Variants in TRHR observed in about 807,000 individuals in gnomAD.
The protein encoded by TRHR is thyrotropin releasing hormone receptor.
In TRHR, 14 loss-of-function variants were observed where a neutral mutation model predicts 28.0. The ratio of observed to expected loss-of-function variants is 0.50; its 90% CI spans 0.33 to 0.78. The LOEUF (loss-of-function observed/expected upper bound fraction) is 0.78. Among genes scored for constraint, TRHR ranks in the 30% least tolerant of loss-of-function variants. TRHR has a pLI of 0.02. For missense variants in TRHR, 438 were observed against 469.5 expected (o/e 0.93, Z 0.62); for synonymous variants, 176 against 171.9 (o/e 1.02, Z -0.18).
In TRHR at chr8:109,120,020, T is replaced by G. The variant is rs762346094; in HGVS notation, c.*565T>G. On this transcript the variant is annotated 3_prime_UTR_variant, in exon 3 of 3. Transcript: ENST00000518632. ...GTTAACTGTATTTTAAAAGTTGCCA[T>G]AATGTTTATAAAATTCTGAGATGAT... Among the ~76,000 whole-genome samples the G allele has an allele frequency of 2.6e-5, 4 of 151,904 alleles. No individual in the cohort carries two copies. Among genetic ancestry groups the G allele is most frequent in the Non-Finnish European group, 4.4e-5 (3 of 67,858 alleles).
chr8:109,112,815 T>C (rs891024321), intron 2 of TRHR, among the ~76,000 whole-genome samples: 5 of 152,286 alleles, frequency 3.3e-5, no homozygotes, highest in East Asian at 3.9e-4. Flanking sequence ...TTGATACTTA[T>C]ATGTATAAGC....
intron 2 of TRHR, among the ~76,000 whole-genome samples, chr8:109,091,210 A>G (rs183156374): frequency 6.6e-6 from 1 of 152,196 alleles, no homozygotes; most frequent in Non-Finnish European, 1.5e-5. Context: ...TAAAGTAAAG[A>G]GTATACCAGA....
At chr8:109,100,073 G>C (rs529137541) in intron 2 of TRHR, among the ~76,000 whole-genome samples, 75 of 152,252 alleles carry the variant, frequency 4.9e-4, no homozygotes, top group African/African-American at 1.7e-3. Context: ...CAAGCCCCTG[G>C]CAATGTGCAG....
chr8:109,098,065 C>A (rs1436337769), intron 2 of TRHR, among the ~76,000 whole-genome samples: 1 of 152,138 alleles, frequency 6.6e-6, no homozygotes, highest in Non-Finnish European at 1.5e-5. Context: ...GCACTGTAGG[C>A]AAGAAGGCTG....
In TRHR at chr8:109,087,893, CTG is replaced by C. The variant is rs777347100; in HGVS notation, c.383_384del (p.Cys128SerfsTer41). 2 of 1,614,204 alleles carry C rather than the reference CTG, an allele frequency of 1.2e-6. No homozygotes were observed. The highest frequency in any genetic ancestry group is 8.5e-7 in the Non-Finnish European group (1 of 1,180,034). ...AFTIERYIAI[C>X]HPIKAQFLCT... ...TTACCATTGAGAGGTACATAGCAAT[CTG>C]TCACCCCATCAAAGCCCAGTTTCTC... On this transcript the variant is annotated frameshift_variant, in exon 2 of 3. Coordinates refer to ENST00000518632, the MANE Select transcript of TRHR (RefSeq NM_003301.7). LOFTEE classifies it high-confidence loss of function.
intron 2 of TRHR, among the ~76,000 whole-genome samples, chr8:109,117,919 G>A (rs746844634): frequency 6.6e-6 from 1 of 151,864 alleles, no homozygotes; most frequent in Non-Finnish European, 1.5e-5. Context: ...GGTAAGATAC[G>A]TAGCCTTAAT....
intron 2 of TRHR, among the ~76,000 whole-genome samples, chr8:109,111,750 C>T (rs1170227602): frequency 6.6e-5 from 10 of 152,156 alleles, no homozygotes; most frequent in Non-Finnish European, 1.5e-4. Flanking sequence ...CTTCTCCCAA[C>T]CTTTTGTGCA....
rs746725588 is a variant in TRHR, at chr8:109,087,547, C to G, written c.35C>G (p.Thr12Arg). Residue 12 changes from threonine to arginine, a missense_variant, in exon 2 of 3, where the codon ACA becomes AGA. Physicochemically the swap from Thr to Arg is moderately conservative, Grantham distance 71 (BLOSUM62 -1). Coordinates refer to ENST00000518632, the MANE Select transcript of TRHR (RefSeq NM_003301.7). The stretch of plus-strand genomic sequence containing the variant: ...GAGACAGTCAGTGAACTGAACCAAA[C>G]ACAGCTTCAGCCACGAGCAGTGGTG... Reference protein sequence around the residue: ...ENETVSELNQTQLQPRAVVAL... With the variant: ...ENETVSELNQRQLQPRAVVAL... The G allele has an allele frequency of 6.2e-7, 1 of 1,614,228 alleles. No individual in the cohort carries two copies. Among genetic ancestry groups the G allele is most frequent in the Non-Finnish European group, 8.5e-7 (1 of 1,180,046 alleles).
At chr8:109,100,260 G>A (rs1232810932) in intron 2 of TRHR, among the ~76,000 whole-genome samples, 1 of 152,168 alleles carries the variant, frequency 6.6e-6, no homozygotes, top group Non-Finnish European at 1.5e-5. Context: ...CAGATTCAGA[G>A]TATATTTACG....
intron 2 of TRHR, among the ~76,000 whole-genome samples, chr8:109,088,980 A>G (rs1196274082): frequency 6.6e-6 from 1 of 152,172 alleles, no homozygotes; most frequent in Non-Finnish European, 1.5e-5. Flanking sequence ...TTTTTTTAAA[A>G]ATCGGTTTTT....
At chr8:109,117,645 G>A (rs1019466470) in intron 2 of TRHR, among the ~76,000 whole-genome samples, 4 of 151,750 alleles carry the variant, frequency 2.6e-5, no homozygotes, top group Non-Finnish European at 5.9e-5. Context: ...GAAGATCATG[G>A]TGATGATGAC....
In TRHR at chr8:109,119,500, G is replaced by A. The variant is rs770880062; in HGVS notation, c.*45G>A. 3.1e-6 allele frequency: 5 copies of A among 1,602,330 alleles called. No individual in the cohort carries two copies. The highest frequency in any genetic ancestry group is 4.3e-6 in the Non-Finnish European group (5 of 1,175,788). ...TGGATGACAAAGAAAATGAGAATCT[G>A]TGCAGTCATCAACAAAAGGGAGAAC... On this transcript the variant is annotated 3_prime_UTR_variant, in exon 3 of 3. Coordinates refer to ENST00000518632, the MANE Select transcript of TRHR (RefSeq NM_003301.7).
chr8:109,100,232 G>GA (rs1586188874), intron 2 of TRHR, among the ~76,000 whole-genome samples: 1 of 152,080 alleles, frequency 6.6e-6, no homozygotes, highest in East Asian at 1.9e-4. Flanking sequence ...GTTTTACCAG[G>GA]AAAAATAGGA....
At position 109,121,079 on chromosome 8, in the gene TRHR, G is replaced by A. The variant is rs5783; in HGVS notation, c.*1624G>A. ...GCTATCCAGAACCTCATTCTAGAGT[G>A]CGCTTTTTTTTTTTTGAAAATTGGC... On this transcript the variant is annotated 3_prime_UTR_variant, in exon 3 of 3. Coordinates refer to ENST00000518632, the MANE Select transcript of TRHR (RefSeq NM_003301.7). 4.8e-3 allele frequency among the ~76,000 whole-genome samples: 493 copies of A among 102,276 alleles called. 5 individuals are homozygous for A. The highest frequency in any genetic ancestry group is 0.024 in the African/African-American group (443 of 18,344). 67.1% of individuals were successfully genotyped at this position (102,276 alleles called of 152,430 possible). A position where few individuals can be genotyped will look rare whatever the true frequency, so the allele number is the denominator to read the frequency against.
At position 109,086,789 on chromosome 8, in the gene TRHR, C is replaced by T. The variant is rs1016338808; in HGVS notation, c.-183C>T. ...GAGCACTGCTAAGTGGTCTCCCTCT[C>T]AAATAGAGTAGACAAGATTTTCTGC... is the stretch of plus-strand genomic sequence containing the variant. On this transcript the variant is annotated 5_prime_UTR_variant, in exon 1 of 3. Coordinates refer to ENST00000518632, the MANE Select transcript of TRHR (RefSeq NM_003301.7). The T allele has an allele frequency of 5.9e-5, 9 of 152,552 alleles. No homozygotes were observed. The highest frequency in any genetic ancestry group is 2.2e-4 in the African/African-American group (9 of 41,532). 9.4% of individuals were successfully genotyped at this position (152,552 alleles called of 1,614,324 possible). A position where few individuals can be genotyped will look rare whatever the true frequency, so the allele number is the denominator to read the frequency against.
At chr8:109,101,719 A>G (rs1586189598) in intron 2 of TRHR, among the ~76,000 whole-genome samples, 1 of 152,298 alleles carries the variant, frequency 6.6e-6, no homozygotes, top group South Asian at 2.1e-4. Flanking sequence ...AAGCGTCTAT[A>G]AAATACCAGG....
At chr8:109,089,506 T>C (rs968853431) in intron 2 of TRHR, among the ~76,000 whole-genome samples, 2 of 152,160 alleles carry the variant, frequency 1.3e-5, no homozygotes, top group Admixed American at 1.3e-4. Flanking sequence ...AAATGAATAA[T>C]GAGCCATAAC....
At chr8:109,106,824 A>T (rs1811758576) in intron 2 of TRHR, among the ~76,000 whole-genome samples, 2 of 152,168 alleles carry the variant, frequency 1.3e-5, no homozygotes, top group Non-Finnish European at 1.5e-5. Context: ...CATTTCCTGA[A>T]CGTTTATTGC....
At chr8:109,099,500 A>G (rs1256083947) in intron 2 of TRHR, among the ~76,000 whole-genome samples, 1 of 152,216 alleles carries the variant, frequency 6.6e-6, no homozygotes, top group Non-Finnish European at 1.5e-5. Flanking sequence ...AATAAATTAA[A>G]AGAGTAAGTG....
Sources: gnomAD v4.1 joint callset for allele counts (sites outside exome capture counted in the v4.1 genomes callset) on GRCh38, gnomAD v4.1.1 for gene constraint, MANE v1.5 for transcripts, NCBI Gene and HGNC (gene_info 2026-07-23, HGNC 2026-07-21) for gene names.